CNTNAP4: variants seen among roughly 807,000 people sequenced by gnomAD.
The protein encoded by CNTNAP4 is contactin associated protein family member 4, also known as contactin-associated protein-like 4.
A neutral mutation model predicts 148.4 loss-of-function variants in CNTNAP4; 98 were observed. The observed-to-expected ratio is 0.66, with a 90% CI of 0.56 to 0.78. CNTNAP4 has a LOEUF of 0.78. CNTNAP4 is among the 30% of genes least tolerant of loss of function. The pLI is 0.00. For missense variants in CNTNAP4, 1,935 were observed against 1,565.6 expected (o/e 1.24, Z -3.98); for synonymous variants, 730 against 565.1 (o/e 1.29, Z -4.14).
At chr16:76,456,810 G>A (rs74025008) in intron 8 of CNTNAP4, among the ~76,000 whole-genome samples, 2,923 of 152,296 alleles carry the variant, frequency 0.019, 93 homozygotes, top group African/African-American at 0.067. Context: ...ACAGGGAAGA[G>A]TGTAGGTTTT....
At chr16:76,464,720 G>C (rs886643278) in intron 9 of CNTNAP4, among the ~76,000 whole-genome samples, 1 of 152,138 alleles carries the variant, frequency 6.6e-6, no homozygotes, top group Non-Finnish European at 1.5e-5. Context: ...CTGTCATATT[G>C]GGAGAGTGGG....
In CNTNAP4 at chr16:76,467,318, G is replaced by A. The variant is rs144285823; in HGVS notation, c.1484-34G>A. On this transcript the variant is annotated intron_variant, in intron 9 of 23. Transcript: ENST00000611870. ...CTATGATCCTGAATTCTGATTCATT[G>A]TGATGCGTACTGGATTTATTTCGTT... 427 of 1,591,576 alleles carry A rather than the reference G, an allele frequency of 2.7e-4. 4 individuals carry two copies. In the African/African-American group the frequency reaches 5.0e-3, roughly 19 times the overall value.
chr16:76,358,301 A>C (rs1297484770), intron 3 of CNTNAP4, among the ~76,000 whole-genome samples: 2 of 152,148 alleles, frequency 1.3e-5, no homozygotes, highest in Non-Finnish European at 2.9e-5. Flanking sequence ...GCACCACTGC[A>C]CTCCAGCCTG....
At chr16:76,327,006 G>A (rs1249999157) in intron 2 of CNTNAP4, among the ~76,000 whole-genome samples, 2 of 152,006 alleles carry the variant, frequency 1.3e-5, no homozygotes, top group African/African-American at 4.8e-5. Context: ...TCACCCATAT[G>A]AGAGATGGTT....
chr16:76,543,064 C>T (rs990625480), intron 21 of CNTNAP4, among the ~76,000 whole-genome samples: 3 of 152,078 alleles, frequency 2.0e-5, no homozygotes, highest in African/African-American at 4.8e-5. Context: ...GAATTAAAGA[C>T]GTTAAGGTTT....
At chr16:76,449,255 A>C (rs954640499) in intron 6 of CNTNAP4, among the ~76,000 whole-genome samples, 1 of 152,202 alleles carries the variant, frequency 6.6e-6, no homozygotes, top group African/African-American at 2.4e-5. Flanking sequence ...ACCACAAGCA[A>C]ATATAGGATG....
intron 3 of CNTNAP4, among the ~76,000 whole-genome samples, chr16:76,411,678 AT>A (rs2078799791): frequency 6.6e-6 from 1 of 151,488 alleles, no homozygotes; most frequent in South Asian, 2.1e-4. Flanking sequence ...TCTTAAAAAA[AT>A]CTTCTATTTT....
chr16:76,343,297 T>C, intron 2 of CNTNAP4, among the ~76,000 whole-genome samples: 1 of 152,164 alleles, frequency 6.6e-6, no homozygotes, highest in East Asian at 1.9e-4. Flanking sequence ...TGTGAGACTT[T>C]CTTTTTATCA....
chr16:76,491,792 T>C (rs187190366), intron 13 of CNTNAP4, among the ~76,000 whole-genome samples: 1 of 152,304 alleles, frequency 6.6e-6, no homozygotes, highest in East Asian at 1.9e-4. Flanking sequence ...ATGCCCTTCA[T>C]GTTCATCCAT....
At chr16:76,522,293 G>A (rs1046063274) in intron 17 of CNTNAP4, 36 bp downstream of exon 17, 26 of 1,567,342 alleles carry the variant, frequency 1.7e-5, no homozygotes, top group Non-Finnish European at 2.2e-5. Flanking sequence ...TTTATTGTAT[G>A]ATATGTGTTC....
At chr16:76,394,546 G>T (rs573131556) in intron 3 of CNTNAP4, among the ~76,000 whole-genome samples, 3 of 152,008 alleles carry the variant, frequency 2.0e-5, no homozygotes, top group Non-Finnish European at 4.4e-5. Flanking sequence ...TAGAGTGATG[G>T]GATTATGAGT....
chr16:76,455,826 C>T (rs2080708233), intron 8 of CNTNAP4, among the ~76,000 whole-genome samples: 1 of 152,164 alleles, frequency 6.6e-6, no homozygotes. Context: ...ACATTGTGCA[C>T]TACAGATATG....
intron 21 of CNTNAP4, among the ~76,000 whole-genome samples, chr16:76,550,507 TGTCTG>T (rs2084914076): frequency 6.6e-6 from 1 of 152,160 alleles, no homozygotes; most frequent in Non-Finnish European, 1.5e-5. Context: ...AAGTAAATCT[TGTCTG>T]GTGGGGTGGG....
At chr16:76,286,099 G>A (rs561551072) in intron 1 of CNTNAP4, among the ~76,000 whole-genome samples, 4 of 151,318 alleles carry the variant, frequency 2.6e-5, no homozygotes, top group Non-Finnish European at 5.9e-5. Context: ...GTCAGCTGAC[G>A]ACTGACCAAG....
intron 4 of CNTNAP4, among the ~76,000 whole-genome samples, chr16:76,445,921 A>G (rs569280083): frequency 4.6e-5 from 7 of 152,326 alleles, no homozygotes; most frequent in South Asian, 4.1e-4. Flanking sequence ...TAATAATCAT[A>G]GGATGCATTA....
At chr16:76,519,022 G>A (rs1262892406) in intron 15 of CNTNAP4, among the ~76,000 whole-genome samples, 1 of 152,114 alleles carries the variant, frequency 6.6e-6, no homozygotes, top group African/African-American at 2.4e-5. Context: ...CTTTCTCTGA[G>A]GTGGCCCAGA....
chr16:76,420,754 G>A (rs952600707), intron 3 of CNTNAP4, among the ~76,000 whole-genome samples: 5 of 151,978 alleles, frequency 3.3e-5, no homozygotes, highest in Admixed American at 2.6e-4. Context: ...TATCCCTAAA[G>A]AGAAAGCCTC....
chr16:76,454,623 G>A (rs544337980), intron 8 of CNTNAP4, among the ~76,000 whole-genome samples: 1 of 151,928 alleles, frequency 6.6e-6, no homozygotes, highest in Non-Finnish European at 1.5e-5. Context: ...TTTTTTGCTA[G>A]TTCCCGTGAA....
intron 4 of CNTNAP4, among the ~76,000 whole-genome samples, chr16:76,428,630 C>G (rs1257603074): frequency 2.0e-5 from 3 of 152,042 alleles, no homozygotes; most frequent in Non-Finnish European, 2.9e-5. Context: ...CGTGGGTACT[C>G]TCCTGTATTT....
Sources: gnomAD v4.1 joint callset for allele counts (sites outside exome capture counted in the v4.1 genomes callset) on GRCh38, gnomAD v4.1.1 for gene constraint, MANE v1.5 for transcripts, NCBI Gene and HGNC (gene_info 2026-07-23, HGNC 2026-07-21) for gene names.